Variants in POLA1 observed in about 807,000 individuals in gnomAD.
POLA1 encodes the protein DNA polymerase alpha catalytic subunit.
In POLA1, 15 loss-of-function variants were observed where a neutral mutation model predicts 124.0. That is an observed-to-expected ratio of 0.12 (90% CI 0.08 to 0.19). The LOEUF (loss-of-function observed/expected upper bound fraction) is 0.19. Ranked by LOEUF, POLA1 falls within the 10% of genes least tolerant of loss-of-function variation. POLA1 has a pLI of 1.00. For synonymous variants in POLA1, 408 were observed against 389.4 expected (o/e 1.05, Z -0.56); for missense variants, 886 against 1,103.4 (o/e 0.80, Z 2.79).
chrX:24,845,550 C>T (rs1004715794), intron 34 of POLA1, among the ~76,000 whole-genome samples: 6 of 111,943 alleles, frequency 5.4e-5, no homozygotes, highest in Admixed American at 2.8e-4. Context: ...TTAGGTTCTA[C>T]TTTATTGGTA....
At chrX:24,963,477 A>G (rs758405746) in intron 36 of POLA1, among the ~76,000 whole-genome samples, 3 of 111,952 alleles carry the variant, frequency 2.7e-5, no homozygotes, top group South Asian at 3.8e-4. Flanking sequence ...TAGAGTTTCT[A>G]TGAAGTCTCC....
intron 36 of POLA1, among the ~76,000 whole-genome samples, chrX:24,939,790 A>G (rs1415408148): frequency 9.0e-6 from 1 of 111,581 alleles, no homozygotes; most frequent in East Asian, 2.8e-4. Flanking sequence ...TTTTGTGACT[A>G]TGGAGTGTGG....
rs151058640 is a variant in POLA1 at position 24,960,536 on chromosome X, C to T, written c.4261+29987C>T. ...TGGAAAGCTACTAAATTTGAAAAATCGATCCTTATAAGATAATCTTTCTTT... is the reference window on the plus strand; with the variant it reads ...TGGAAAGCTACTAAATTTGAAAAATTGATCCTTATAAGATAATCTTTCTTT... On this transcript the variant is annotated intron_variant, in intron 36 of 36. Coordinates refer to ENST00000379068, the MANE Select transcript of POLA1 (RefSeq NM_001330360.2). Among the ~76,000 whole-genome samples the T allele has an allele frequency of 4.2e-3, 471 of 111,616 alleles. 1 individual carries two copies. Among genetic ancestry groups the T allele is most frequent in the Non-Finnish European group, 6.9e-3 (368 of 53,082 alleles).
At chrX:24,847,590 C>T (rs1330637100) in intron 34 of POLA1, among the ~76,000 whole-genome samples, 1 of 111,995 alleles carries the variant, frequency 8.9e-6, no homozygotes, top group Non-Finnish European at 1.9e-5. Context: ...ATATGATAAC[C>T]TCTGATAGTT....
chrX:24,887,875 G>T, intron 34 of POLA1, 131 bp from the exon 35 acceptor site: 2 of 467,334 alleles, frequency 4.3e-6, no homozygotes, highest in Non-Finnish European at 7.6e-6. Context: ...TCAGGAGAGA[G>T]AGATAACTAG....
At chrX:24,990,187 T>A (rs994270522) in intron 36 of POLA1, among the ~76,000 whole-genome samples, 7 of 112,454 alleles carry the variant, frequency 6.2e-5, no homozygotes, top group Non-Finnish European at 1.3e-4. Flanking sequence ...TAATAAAATA[T>A]AATGTAAAAA....
At chrX:24,872,240 A>G (rs2046875487) in intron 34 of POLA1, among the ~76,000 whole-genome samples, 1 of 111,925 alleles carries the variant, frequency 8.9e-6, no homozygotes, top group South Asian at 3.7e-4. Context: ...GTTACTAGTT[A>G]TAAAATCAGT....
At chrX:24,694,065 G>A in intron 1 of POLA1, 61 bp downstream of exon 1, 4 of 1,048,820 alleles carry the variant, frequency 3.8e-6, no homozygotes, top group Non-Finnish European at 5.2e-6. Flanking sequence ...TGCCGGTGGT[G>A]GGGGTTCTGA....
chrX:24,750,671 A>G (rs1379101961), intron 26 of POLA1, among the ~76,000 whole-genome samples: 1 of 112,513 alleles, frequency 8.9e-6, no homozygotes, highest in Non-Finnish European at 1.9e-5. Flanking sequence ...TTTGAAATAG[A>G]TAATAACGTT....
chrX:24,897,106 T>C (rs1332120674), intron 35 of POLA1, among the ~76,000 whole-genome samples: 1 of 111,753 alleles, frequency 8.9e-6, no homozygotes, highest in East Asian at 2.8e-4. Context: ...GCTAGTAAAA[T>C]GTGATTATAT....
chrX:24,959,463 C>CA lies in POLA1; in HGVS notation c.4261+28929dup, dbSNP rs370136898. 7.8e-3 allele frequency among the ~76,000 whole-genome samples: 662 copies of CA among 84,830 alleles called. 4 individuals carry two copies. The highest frequency in any genetic ancestry group is 0.021 in the African/African-American group (486 of 23,192). 73.7% of individuals were successfully genotyped at this position (84,830 alleles called of 115,157 possible). Reference sequence around the variant, plus strand: ...TGGGTGACAGAGCAAGACTCCATCTCAAAAAAAAAAAAAAAGGATCTGTAA... The same window carrying CA: ...TGGGTGACAGAGCAAGACTCCATCTCAAAAAAAAAAAAAAAAGGATCTGTAA... On this transcript the variant is annotated intron_variant, in intron 36 of 36. Transcript: ENST00000379068.
intron 26 of POLA1, among the ~76,000 whole-genome samples, chrX:24,769,780 G>A (rs1161587219): frequency 8.9e-6 from 1 of 111,961 alleles, no homozygotes; most frequent in African/African-American, 3.2e-5. Context: ...GATAAAGACA[G>A]CCTGGTTGGA....
chrX:24,948,331 A>G (rs1224383277), intron 36 of POLA1, among the ~76,000 whole-genome samples: 1 of 101,533 alleles, frequency 9.8e-6, no homozygotes, highest in East Asian at 3.2e-4. Context: ...ACTAAATTAA[A>G]TATATCTATG....
At chrX:24,750,425 A>G (rs1932262769) in intron 26 of POLA1, among the ~76,000 whole-genome samples, 1 of 112,829 alleles carries the variant, frequency 8.9e-6, no homozygotes, top group Non-Finnish European at 1.9e-5. Flanking sequence ...AATTATAATT[A>G]AAATGAATTT....
chrX:24,908,595 A>G (rs886094642), intron 35 of POLA1, among the ~76,000 whole-genome samples: 6 of 110,648 alleles, frequency 5.4e-5, no homozygotes, highest in African/African-American at 9.9e-5. Context: ...ATAGTATTCC[A>G]TGGTGTATAT....
intron 34 of POLA1, among the ~76,000 whole-genome samples, chrX:24,863,457 G>C (rs7051971): frequency 1.8e-5 from 2 of 111,608 alleles, no homozygotes; most frequent in Non-Finnish European, 3.8e-5. Context: ...GTTTCCCATC[G>C]AAATGCCCAA....
At chrX:24,822,984 A>AT (rs1385017516) in intron 31 of POLA1, among the ~76,000 whole-genome samples, 1 of 111,832 alleles carries the variant, frequency 8.9e-6, no homozygotes, top group Non-Finnish European at 1.9e-5. Flanking sequence ...AACTTATAAA[A>AT]TAGGATGATC....
At chrX:24,989,137 C>G (rs1308005288) in intron 36 of POLA1, among the ~76,000 whole-genome samples, 1 of 111,678 alleles carries the variant, frequency 9.0e-6, no homozygotes, top group Non-Finnish European at 1.9e-5. Context: ...CAAAATCAGA[C>G]ATACCTAAAA....
At chrX:24,858,384 T>G (rs769365113) in intron 34 of POLA1, among the ~76,000 whole-genome samples, 1 of 112,063 alleles carries the variant, frequency 8.9e-6, no homozygotes, top group Non-Finnish European at 1.9e-5. Context: ...TGAGGAATTA[T>G]GGTCTTTCCA....
Sources: gnomAD v4.1 joint callset for allele counts (sites outside exome capture counted in the v4.1 genomes callset) on GRCh38, gnomAD v4.1.1 for gene constraint, MANE v1.5 for transcripts, NCBI Gene and HGNC (gene_info 2026-07-23, HGNC 2026-07-21) for gene names.